The following MORC3 variants were observed in gnomAD, a reference collection of about 807,000 sequenced individuals.
MORC3 encodes the protein MORC family CW-type zinc finger 3.
In MORC3, 31 loss-of-function variants were observed where a neutral mutation model predicts 109.1. That is an observed-to-expected ratio of 0.28 (90% CI 0.21 to 0.38). The LOEUF (loss-of-function observed/expected upper bound fraction) is 0.38, where lower values mean the gene tolerates loss of function less well. Among genes scored for constraint, MORC3 ranks in the 10% least tolerant of loss-of-function variants. The probability of loss-of-function intolerance (pLI) is 1.00; values close to 1 mark genes in which losing one functional copy is unlikely to be tolerated. For missense variants in MORC3, 867 were observed against 1,135.8 expected, an observed-to-expected ratio of 0.76 and a Z score of 3.40; for synonymous variants, 395 against 380.7, an observed-to-expected ratio of 1.04 and a Z score of -0.44.
At chr21:36,325,660 C>T (rs1008514265) in intron 1 of MORC3, among the ~76,000 whole-genome samples, 6 of 152,206 alleles carry the variant, frequency 3.9e-5, no homozygotes, top group Non-Finnish European at 8.8e-5. Context: ...AATTTGACTA[C>T]GGTAGTCCCC....
rs71326674 is a variant in MORC3, at chr21:36,327,155, C to CTTTTTTTTTTTTTT, written c.40-6477_40-6464dup. On this transcript the variant is annotated intron_variant, in intron 1 of 16. Coordinates refer to ENST00000400485, the MANE Select transcript of MORC3 (RefSeq NM_015358.3). ...TTAAAGATATTAATTGGCTTTATTTCTTTTTTTTTTTTTTTTTTTTTTTTT... is the reference window on the plus strand; with the variant it reads ...TTAAAGATATTAATTGGCTTTATTTCTTTTTTTTTTTTTTTTTTTTTTTTTTTTTTTTTTTTTTT... 1.2e-4 allele frequency among the ~76,000 whole-genome samples: 10 copies of CTTTTTTTTTTTTTT among 81,950 alleles called. 1 individual carries two copies. Among genetic ancestry groups the CTTTTTTTTTTTTTT allele is most frequent in the African/African-American group, 5.0e-4 (9 of 17,838 alleles). 53.8% of individuals were successfully genotyped at this position (81,950 alleles called of 152,430 possible). A position where few individuals can be genotyped will look rare whatever the true frequency, so the allele number is the denominator to read the frequency against.
At chr21:36,352,558 G>C (rs2085584685) in intron 9 of MORC3, among the ~76,000 whole-genome samples, 1 of 152,170 alleles carries the variant, frequency 6.6e-6, no homozygotes, top group African/African-American at 2.4e-5. Flanking sequence ...CTGAAAATCT[G>C]AAATCCAAGG....
intron 10 of MORC3, among the ~76,000 whole-genome samples, chr21:36,358,391 A>C (rs1269814674): frequency 6.6e-6 from 1 of 152,070 alleles, no homozygotes; most frequent in African/African-American, 2.4e-5. Flanking sequence ...GTCTCAAAAA[A>C]AATAAATAAA....
intron 8 of MORC3, among the ~76,000 whole-genome samples, chr21:36,347,427 T>G (rs2085521717): frequency 6.6e-6 from 1 of 152,240 alleles, no homozygotes; most frequent in Non-Finnish European, 1.5e-5. Context: ...GAGTTAAATT[T>G]GTACTGTACA....
At chr21:36,338,591 G>A (rs781277386) in intron 4 of MORC3, among the ~76,000 whole-genome samples, 183 bp from the exon 5 acceptor site, 4 of 151,562 alleles carry the variant, frequency 2.6e-5, no homozygotes, top group Non-Finnish European at 4.4e-5. Context: ...CTAGGCTGCA[G>A]TTAGCCCTGA....
At chr21:36,368,842 A>C in intron 14 of MORC3, 146 bp from the exon 15 acceptor site, 1 of 715,800 alleles carries the variant, frequency 1.4e-6, no homozygotes. Flanking sequence ...GTGCCATTGC[A>C]CTCTAGCCTG....
Position 36,369,706 on chromosome 21 carries a change from A to C in MORC3, c.2338A>C (p.Ile780Leu), listed in dbSNP as rs1394442104. The C allele has an allele frequency of 1.2e-6, 2 of 1,614,108 alleles. No individual in the cohort carries two copies. The highest frequency in any genetic ancestry group is 2.7e-5 in the African/African-American group (2 of 74,950). ...TCAGTATCAGCAAGCTTTGGAAGAA[A>C]TAGAAAGGCTGAAAAAACAATGTAG... ...VSQYQQALEE[I>L]ERLKKQCSAL... The change falls in exon 15 of 17, where the codon ATA becomes CTA. Residue 780 changes from isoleucine to leucine, a missense_variant. Coordinates refer to ENST00000400485, the MANE Select transcript of MORC3 (RefSeq NM_015358.3).
intron 1 of MORC3, among the ~76,000 whole-genome samples, chr21:36,326,542 T>G (rs1168918683): frequency 6.6e-6 from 1 of 152,094 alleles, no homozygotes; most frequent in Non-Finnish European, 1.5e-5. Context: ...AATAAAATGT[T>G]TATTTCTTAC....
chr21:36,366,083 G>T (rs865994987), intron 14 of MORC3, among the ~76,000 whole-genome samples: 1 of 152,228 alleles, frequency 6.6e-6, no homozygotes, highest in African/African-American at 2.4e-5. Context: ...TTTGTTACAT[G>T]GGTATATGGC....
In MORC3 at chr21:36,369,738, G is replaced by C; in HGVS notation, c.2370G>C (p.Leu790Phe). The C allele has an allele frequency of 6.2e-7, 1 of 1,614,184 alleles. No individual in the cohort carries two copies. The highest frequency in any genetic ancestry group is 2.2e-5 in the East Asian group (1 of 44,882). ...IERLKKQCSALQHVKAECSQC... is the reference protein window; with the variant it reads ...IERLKKQCSAFQHVKAECSQC... ...GGCTGAAAAAACAATGTAGTGCTTT[G>C]CAACATGTAAAGGCTGAATGCAGCC... is the stretch of plus-strand genomic sequence containing the variant. Residue 790 changes from leucine to phenylalanine, a missense_variant, in exon 15 of 17, where the codon TTG becomes TTC. Physicochemically the swap from Leu to Phe is conservative, Grantham distance 22 (BLOSUM62 0). This residue lies in a region of MORC3 where 486 missense variants were observed against 502.1 expected (regional missense o/e 0.97). Transcript: ENST00000400485.
intron 1 of MORC3, among the ~76,000 whole-genome samples, chr21:36,325,607 C>T (rs1946321517): frequency 6.6e-6 from 1 of 152,234 alleles, no homozygotes; most frequent in African/African-American, 2.4e-5. Flanking sequence ...TAAATAGTAA[C>T]TTCTCCAGCA....
intron 8 of MORC3, among the ~76,000 whole-genome samples, chr21:36,345,716 G>A (rs896953418): frequency 2.6e-5 from 4 of 152,052 alleles, no homozygotes; most frequent in Admixed American, 6.6e-5. Flanking sequence ...CACCGCACTC[G>A]GCCAGTTGTT....
chr21:36,331,179 C>G (rs1168503717), intron 1 of MORC3, among the ~76,000 whole-genome samples: 2 of 152,208 alleles, frequency 1.3e-5, no homozygotes, highest in Non-Finnish European at 2.9e-5. Context: ...TAGGGCTCTT[C>G]ACACTGCAAA....
chr21:36,333,499 A>G (rs2085338267), intron 1 of MORC3, 147 bp from the exon 2 acceptor site: 1 of 642,826 alleles, frequency 1.6e-6, no homozygotes, highest in Admixed American at 2.8e-5. Context: ...TATATTCTAG[A>G]TTGTATCTTC....
At chr21:36,358,918 A>G (rs1334690196) in intron 10 of MORC3, among the ~76,000 whole-genome samples, 1 of 152,096 alleles carries the variant, frequency 6.6e-6, no homozygotes, top group African/African-American at 2.4e-5. Context: ...TGACCTCATG[A>G]TCCACCCGCG....
chr21:36,325,293 T>TA (rs1485297833), intron 1 of MORC3, among the ~76,000 whole-genome samples: 1 of 152,134 alleles, frequency 6.6e-6, no homozygotes, highest in Non-Finnish European at 1.5e-5. Flanking sequence ...AAGAACCAAA[T>TA]AGAACTTTGA....
At chr21:36,331,487 A>G (rs551380696) in intron 1 of MORC3, among the ~76,000 whole-genome samples, 9 of 152,210 alleles carry the variant, frequency 5.9e-5, no homozygotes, top group Admixed American at 4.6e-4. Context: ...AGTCCCAGCT[A>G]CTCGGGAGGC....
At chr21:36,321,243 A>G (rs962429749) in intron 1 of MORC3, among the ~76,000 whole-genome samples, 2 of 152,136 alleles carry the variant, frequency 1.3e-5, no homozygotes, top group Non-Finnish European at 2.9e-5. Flanking sequence ...GTTTTGACGG[A>G]CTTTAAATTT....
At chr21:36,336,786 T>G (rs1269488042) in intron 2 of MORC3, 88 bp from the exon 3 acceptor site, 3 of 1,288,204 alleles carry the variant, frequency 2.3e-6, no homozygotes, top group Non-Finnish European at 3.1e-6. Flanking sequence ...TAAAACATAG[T>G]CTTCTATTGC....
Sources: gnomAD v4.1 joint callset for allele counts (sites outside exome capture counted in the v4.1 genomes callset) on GRCh38, gnomAD v4.1.1 for gene constraint, gnomAD v4.1.1 regional missense constraint, MANE v1.5 for transcripts, NCBI Gene and HGNC (gene_info 2026-07-23, HGNC 2026-07-21) for gene names.